DCTN5: variants seen among roughly 807,000 people sequenced by gnomAD.
DCTN5 encodes dynactin 4.
DCTN5 carries 14 observed loss-of-function variants against 23.5 expected under a neutral mutation model. That is an observed-to-expected ratio of 0.60 (90% CI 0.39 to 0.93). The LOEUF is 0.93. Ranked by LOEUF, DCTN5 falls within the 40% of genes least tolerant of loss-of-function variation. The pLI, the probability that DCTN5 is intolerant of heterozygous loss-of-function variation, is 0.00. For missense variants in DCTN5, 156 were observed against 225.9 expected, an observed-to-expected ratio of 0.69 and a Z score of 1.98; for synonymous variants, 67 against 79.6, an observed-to-expected ratio of 0.84 and a Z score of 0.84.
rs1487165035 is a variant in DCTN5, at chr16:23,668,305, C to G, written c.*1161C>G. On this transcript the variant is annotated 3_prime_UTR_variant, in exon 6 of 6. Coordinates refer to ENST00000300087, the MANE Select transcript of DCTN5 (RefSeq NM_032486.4). ...AGCAGGAGCTATCCTGACTTAATAT[C>G]CAGTTGTGGGGTTTGCAAAACAAAA... The G allele has an allele frequency of 3.9e-5, 6 of 152,232 alleles. No individual in the cohort carries two copies. The highest frequency in any genetic ancestry group is 8.8e-5 in the Non-Finnish European group (6 of 68,046). 9.4% of individuals were successfully genotyped at this position (152,232 alleles called of 1,614,324 possible).
At chr16:23,653,133 C>T (rs1967635675) in intron 2 of DCTN5, among the ~76,000 whole-genome samples, 1 of 152,102 alleles carries the variant, frequency 6.6e-6, no homozygotes, top group Non-Finnish European at 1.5e-5. Context: ...CAGAGTGAGA[C>T]CCTGTCCCCC....
chr16:23,668,661 T>C lies in DCTN5; in HGVS notation c.*1517T>C, dbSNP rs558436180. On this transcript the variant is annotated 3_prime_UTR_variant, in exon 6 of 6. Coordinates refer to ENST00000300087, the MANE Select transcript of DCTN5 (RefSeq NM_032486.4). ...AAAAGGAGTGGGGGAAGAATGGCCA[T>C]TGGGAGACAACAAGCAGACTCAACC... 4 of 152,336 alleles carry C rather than the reference T, an allele frequency of 2.6e-5. No individual in the cohort carries two copies. Among genetic ancestry groups the C allele is most frequent in the Non-Finnish European group, 2.9e-5 (2 of 68,032 alleles). The allele number at this position is 152,336 out of a possible 1,614,324, so 9.4% of individuals were successfully genotyped here. A position where few individuals can be genotyped will look rare whatever the true frequency, so the allele number is the denominator to read the frequency against.
At chr16:23,656,370 C>G (rs901633844) in intron 2 of DCTN5, among the ~76,000 whole-genome samples, 15 of 152,222 alleles carry the variant, frequency 9.9e-5, no homozygotes, top group African/African-American at 3.4e-4. Flanking sequence ...TTCATTTGTT[C>G]AAAGCAGAAT....
Position 23,656,305 on chromosome 16 carries a change from T to G in DCTN5, c.118-2202T>G, listed in dbSNP as rs566970549. On this transcript the variant is annotated intron_variant, in intron 2 of 5. Coordinates refer to ENST00000300087, the MANE Select transcript of DCTN5 (RefSeq NM_032486.4). ...AAACTCCAGTACTTCCTTAATACCA[T>G]CTAACGCTCAGTCCATATTCAGTCT... 1.5e-4 allele frequency among the ~76,000 whole-genome samples: 23 copies of G among 152,318 alleles called. No homozygotes were observed. The South Asian group carries it at 1.7e-3, about 11-fold the overall frequency.
chr16:23,667,890 C>T lies in DCTN5; in HGVS notation c.*746C>T, dbSNP rs1967935518. Reference sequence around the variant, plus strand: ...TGTGGATGCATTAGTCAGGTGGTTACTCCTTGCTTCAAGGTACTTACCTTA... The same window carrying T: ...TGTGGATGCATTAGTCAGGTGGTTATTCCTTGCTTCAAGGTACTTACCTTA... On this transcript the variant is annotated 3_prime_UTR_variant, in exon 6 of 6. Coordinates refer to ENST00000300087, the MANE Select transcript of DCTN5 (RefSeq NM_032486.4). 1 of 152,256 alleles carries T rather than the reference C, an allele frequency of 6.6e-6. No homozygotes were observed. Among genetic ancestry groups the T allele is most frequent in the African/African-American group, 2.4e-5 (1 of 41,450 alleles). 9.4% of individuals were successfully genotyped at this position (152,256 alleles called of 1,614,324 possible).
At chr16:23,647,370 A>G (rs2140973637) in intron 2 of DCTN5, among the ~76,000 whole-genome samples, 1 of 152,226 alleles carries the variant, frequency 6.6e-6, no homozygotes, top group South Asian at 2.1e-4. Context: ...TTGGCCTACC[A>G]AAGTAGTGGG....
Position 23,670,371 on chromosome 16 carries a change from T to C in DCTN5, c.*3227T>C, listed in dbSNP as rs1437983268. On this transcript the variant is annotated 3_prime_UTR_variant, in exon 6 of 6. Coordinates refer to ENST00000300087, the MANE Select transcript of DCTN5 (RefSeq NM_032486.4). Reference sequence around the variant, plus strand: ...CCACAGTTCCTTTCTTAGTCACTGATACATCTGGCAGACTTGAAATTAATC... The same window carrying C: ...CCACAGTTCCTTTCTTAGTCACTGACACATCTGGCAGACTTGAAATTAATC... 1 of 152,218 alleles carries C rather than the reference T, an allele frequency of 6.6e-6. No individual in the cohort carries two copies. The highest frequency in any genetic ancestry group is 1.5e-5 in the Non-Finnish European group (1 of 68,054). The allele number at this position is 152,218 out of a possible 1,614,324, so 9.4% of individuals were successfully genotyped here.
At position 23,674,464 on chromosome 16, in the gene DCTN5, C is replaced by G. The variant is rs141769808; in HGVS notation, c.*7320C>G. The stretch of plus-strand genomic sequence containing the variant: ...CTGCTTTTGACAGACCAGACTCAAA[C>G]CTTCTCTGGGGCTTCTCTCACTGCT... On this transcript the variant is annotated 3_prime_UTR_variant, in exon 6 of 6. Coordinates refer to ENST00000300087, the MANE Select transcript of DCTN5 (RefSeq NM_032486.4). 68 of 152,320 alleles carry G rather than the reference C, an allele frequency of 4.5e-4. No homozygotes were observed. Among genetic ancestry groups the G allele is most frequent in the African/African-American group, 1.6e-3 (65 of 41,564 alleles). The allele number at this position is 152,320 out of a possible 1,614,324, so 9.4% of individuals were successfully genotyped here.
rs1312365912 is a variant in DCTN5, at chr16:23,674,924, C to T, written c.*7780C>T. ...TTCTTACTGTGTCCTTGTATGGTCC[C>T]TCTGTCTGGGTGTCTGTGTCCTAAT... On this transcript the variant is annotated 3_prime_UTR_variant, in exon 6 of 6. Transcript: ENST00000300087. The T allele has an allele frequency of 6.6e-6, 1 of 152,090 alleles. No individual in the cohort carries two copies. The highest frequency in any genetic ancestry group is 1.5e-5 in the Non-Finnish European group (1 of 68,028). 9.4% of individuals were successfully genotyped at this position (152,090 alleles called of 1,614,324 possible).
At chr16:23,662,481 A>C (rs1029062620) in intron 4 of DCTN5, among the ~76,000 whole-genome samples, 8 of 152,182 alleles carry the variant, frequency 5.3e-5, no homozygotes, top group Non-Finnish European at 8.8e-5. Context: ...TGTTTAGGGA[A>C]AGTGTTTTCT....
chr16:23,642,672 A>G, intron 1 of DCTN5: 1 of 286,544 alleles, frequency 3.5e-6, no homozygotes, highest in South Asian at 6.3e-5. Flanking sequence ...TTTTTTGTTG[A>G]GAAGGGGTCT....
intron 4 of DCTN5, among the ~76,000 whole-genome samples, chr16:23,662,319 A>G (rs528026471): frequency 6.6e-6 from 1 of 152,266 alleles, no homozygotes; most frequent in South Asian, 2.1e-4. Flanking sequence ...TTCAGGGTGC[A>G]AGCGGGCCCC....
rs1300655688 is a variant in DCTN5 at position 23,645,114 on chromosome 16, TATATATATATATATATATATATA to T, written c.117+2092_117+2114del. 3.8e-3 allele frequency among the ~76,000 whole-genome samples: 155 copies of T among 40,680 alleles called. 9 individuals carry two copies. The highest frequency in any genetic ancestry group is 0.013 in the South Asian group (17 of 1,302). 26.7% of individuals were successfully genotyped at this position (40,680 alleles called of 152,430 possible). ...ATATATATATATATATATATATATA[TATATATATATATATATATATATA>T]TTTTTTTTTTTTTTAATACGCAGTT... On this transcript the variant is annotated intron_variant, in intron 2 of 5. Transcript: ENST00000300087.
At chr16:23,643,998 T>G (rs1164149899) in intron 2 of DCTN5, among the ~76,000 whole-genome samples, 1 of 152,058 alleles carries the variant, frequency 6.6e-6, no homozygotes, top group Non-Finnish European at 1.5e-5. Context: ...AGGAAAATAG[T>G]CTCCTTATAA....
chr16:23,665,840 A>G lies in DCTN5; in HGVS notation c.451+112A>G, dbSNP rs1597126202. On this transcript the variant is annotated intron_variant, in intron 5 of 5. Transcript: ENST00000300087. ...TCTCTGGCAATATGTTGATAGAGCT[A>G]ACTTAGAAATTCACCTGTACAAAGT... is the stretch of plus-strand genomic sequence containing the variant. 3.5e-6 allele frequency: 3 copies of G among 866,924 alleles called. No individual in the cohort carries two copies. In the East Asian group the frequency reaches 7.8e-5, roughly 23 times the overall value. The allele number at this position is 866,924 out of a possible 1,614,324, so 53.7% of individuals were successfully genotyped here. A position where few individuals can be genotyped will look rare whatever the true frequency, so the allele number is the denominator to read the frequency against.
chr16:23,653,588 C>G (rs1967644113), intron 2 of DCTN5, among the ~76,000 whole-genome samples: 1 of 152,126 alleles, frequency 6.6e-6, no homozygotes, highest in Non-Finnish European at 1.5e-5. Context: ...AAACCCAAAA[C>G]TGTAAAAATC....
chr16:23,658,611 G>A lies in DCTN5; in HGVS notation c.222G>A (p.Lys74=). The A allele has an allele frequency of 6.2e-7, 1 of 1,613,896 alleles. No individual in the cohort carries two copies. Among genetic ancestry groups the A allele is most frequent in the South Asian group, 1.1e-5 (1 of 91,078 alleles). ...KSRSVIRPPF[K]KFSKGVAFFP... ...GTAGTGTCATAAGGCCACCATTCAA[G>A]AAGTTCAGCAAAGGGTATGTAATTT... The change falls in exon 3 of 6, where the codon AAG becomes AAA. Residue 74 remains lysine, a synonymous_variant. Coordinates refer to ENST00000300087, the MANE Select transcript of DCTN5 (RefSeq NM_032486.4).
intron 5 of DCTN5, chr16:23,666,475 C>G (rs1410328119): frequency 6.5e-6 from 1 of 153,808 alleles, no homozygotes; most frequent in African/African-American, 2.4e-5. Context: ...ACGTACTTCT[C>G]TCAGAAAACT....
At chr16:23,657,664 G>C (rs1019198743) in intron 2 of DCTN5, 22 of 241,576 alleles carry the variant, frequency 9.1e-5, no homozygotes, top group Non-Finnish European at 1.5e-4. Flanking sequence ...GCCTGGTCTT[G>C]AACTCGACCT....
Sources: allele counts gnomAD v4.1 joint callset (sites outside exome capture counted in the v4.1 genomes callset), GRCh38; gene constraint gnomAD v4.1.1; transcripts MANE v1.5; gene names NCBI Gene and HGNC (gene_info 2026-07-23, HGNC 2026-07-21).